RBMX: variants seen among roughly 807,000 people sequenced by gnomAD.
RBMX encodes RNA binding motif protein X-linked.
In RBMX, 1 loss-of-function variant was observed where a neutral mutation model predicts 29.3. The observed-to-expected ratio is 0.03, with a 90% confidence interval of 0.01 to 0.16. The LOEUF is 0.16. RBMX is among the 10% of genes least tolerant of loss of function. The probability of loss-of-function intolerance (pLI) is 1.00; values close to 1 mark genes in which losing one functional copy is unlikely to be tolerated. For missense variants in RBMX, 121 were observed against 333.2 expected, an observed-to-expected ratio of 0.36 and a Z score of 4.96; for synonymous variants, 102 against 102.3, an observed-to-expected ratio of 1.00 and a Z score of 0.02.
chrX:136,877,018 A>C (rs145664640), intron 4 of RBMX, among the ~76,000 whole-genome samples: 9,793 of 107,083 alleles, frequency 0.091, 464 homozygotes, highest in Middle Eastern at 0.19. Flanking sequence ...GGCCACTATA[A>C]AAGTTTTCTT....
intron 3 of RBMX, 113 bp downstream of exon 3, chrX:136,878,904 T>A: frequency 1.1e-6 from 1 of 941,490 alleles, no homozygotes. Flanking sequence ...CCCAGACAGG[T>A]ATATACTGAA....
Position 136,875,387 on chromosome X carries a change from CA to C in RBMX, c.657-5del, listed in dbSNP as rs1363451228. The C allele has an allele frequency of 2.5e-6, 3 of 1,205,769 alleles. No individual in the cohort carries two copies. In the African/African-American group the frequency reaches 5.3e-5, roughly 21 times the overall value. ...TGGGTAATCTCTGCTTGAATAGCTA[CA>C]AAGCAAAAGTTTTGGTTTATGCTTT... is the stretch of plus-strand genomic sequence containing the variant. On this transcript the variant is annotated splice_region_variant and splice_polypyrimidine_tract_variant and intron_variant, in intron 6 of 8. Coordinates refer to ENST00000320676, the MANE Select transcript of RBMX (RefSeq NM_002139.4).
In RBMX at chrX:136,877,797, G is replaced by C; in HGVS notation, c.388+118C>G. On this transcript the variant is annotated intron_variant, in intron 4 of 8. Coordinates refer to ENST00000320676, the MANE Select transcript of RBMX (RefSeq NM_002139.4). The stretch of plus-strand genomic sequence containing the variant: ...GGCAATCACTTTGGTAGATGAACAA[G>C]TGTTGTCAATTTCAAAAGTTGGCAC... The C allele has an allele frequency of 4.7e-6, 3 of 641,198 alleles. No individual in the cohort carries two copies. In the Admixed American group the frequency reaches 1.1e-4, roughly 23 times the overall value. 52.8% of individuals were successfully genotyped at this position (641,198 alleles called of 1,213,427 possible). A position where few individuals can be genotyped will look rare whatever the true frequency, so the allele number is the denominator to read the frequency against.
At position 136,874,370 on chromosome X, in the gene RBMX, T is replaced by C. The variant is rs774586365; in HGVS notation, c.948A>G (p.Ser316=). Residue 316 remains serine, a synonymous_variant, in exon 9 of 9, where the codon TCA becomes TCG. Coordinates refer to ENST00000320676, the MANE Select transcript of RBMX (RefSeq NM_002139.4). ...GSSRYDDYSS[S]RDGYGGSRDS... is the part of the protein sequence containing the mutation. The stretch of plus-strand genomic sequence containing the variant: ...CTCGACTTCCACCATATCCGTCACG[T>C]GAGCTGCTGTAATCATCATAGCGAC... 1 of 1,212,920 alleles carries C rather than the reference T, an allele frequency of 8.2e-7. No individual in the cohort carries two copies. Among genetic ancestry groups the C allele is most frequent in the Non-Finnish European group, 1.1e-6 (1 of 895,668 alleles).
downstream of RBMX, chrX:136,872,179 GACC>G (rs1297693133): frequency 4.2e-6 from 3 of 713,817 alleles, no homozygotes; most frequent in Non-Finnish European, 6.3e-6. Flanking sequence ...ATGAAGTGAG[GACC>G]ACAATAACTT....
chrX:136,870,949 A>AAAT (rs758011635), downstream of RBMX, among the ~76,000 whole-genome samples: 1,252 of 107,126 alleles, frequency 0.012, 12 homozygotes, highest in Middle Eastern at 0.024. Context: ...CTAAAAATAC[A>AAAT]AATAATAATA....
At position 136,875,589 on chromosome X, in the gene RBMX, A is replaced by G. The variant is rs1173823064; in HGVS notation, c.542-4T>C. Reference sequence around the variant, plus strand: ...TCTCTTCCACGTGATACAGGAGCTTAAGGAAAAATATCATTTTTTTAAACA... The same window carrying G: ...TCTCTTCCACGTGATACAGGAGCTTGAGGAAAAATATCATTTTTTTAAACA... On this transcript the variant is annotated splice_region_variant and splice_polypyrimidine_tract_variant and intron_variant, in intron 5 of 8. Transcript: ENST00000320676. 3 of 1,195,023 alleles carry G rather than the reference A, an allele frequency of 2.5e-6. No individual in the cohort carries two copies. The highest frequency in any genetic ancestry group is 3.4e-6 in the Non-Finnish European group (3 of 889,946).
downstream of RBMX, chrX:136,869,546 G>GTT (rs1229410472): frequency 3.6e-5 from 4 of 111,705 alleles, no homozygotes; most frequent in Non-Finnish European, 7.5e-5. Flanking sequence ...CCAAGTAATC[G>GTT]TAAGAGTATA....
chrX:136,874,427 T>A lies in RBMX; in HGVS notation c.891A>T (p.Thr297=), dbSNP rs150079822. Residue 297 remains threonine, a synonymous_variant, in exon 9 of 9, where the codon ACA becomes ACT. Transcript: ENST00000320676. ...CACCATAAGATGGCGGGGGCCCTCG[T>A]GTAGGTGGAGCACTACGTGAGTTAC... is the stretch of plus-strand genomic sequence containing the variant. ...SYGNSRSAPP[T]RGPPPSYGGS... is the part of the protein sequence containing the mutation. The A allele has an allele frequency of 8.7e-7, 1 of 1,147,835 alleles. No individual in the cohort carries two copies. The highest frequency in any genetic ancestry group is 1.2e-6 in the Non-Finnish European group (1 of 848,154). 94.6% of individuals were successfully genotyped at this position (1,147,835 alleles called of 1,213,427 possible). A position where few individuals can be genotyped will look rare whatever the true frequency, so the allele number is the denominator to read the frequency against.
At chrX:136,873,438 C>A, downstream of RBMX, 2 of 753,753 alleles carry the variant, frequency 2.7e-6, no homozygotes, top group Non-Finnish European at 3.1e-6. Flanking sequence ...ACAGTAAGAG[C>A]AAGCACCTTT....
downstream of RBMX, among the ~76,000 whole-genome samples, chrX:136,871,820 T>TG (rs1324487951): frequency 4.9e-5 from 5 of 102,104 alleles, no homozygotes; most frequent in Non-Finnish European, 1.0e-4. Flanking sequence ...TGTTTTTTTT[T>TG]TTTTTTTTTT....
Position 136,878,075 on chromosome X carries a change from T to C in RBMX, c.228A>G (p.Gly76=). 1.7e-6 allele frequency: 2 copies of C among 1,187,256 alleles called. No individual in the cohort carries two copies. Among genetic ancestry groups the C allele is most frequent in the Non-Finnish European group, 1.1e-6 (1 of 882,471 alleles). ...TGGCTTGTTCCACCTTGATGGCTTT[T>C]CCATCTAATGACTAAAAAAAAAGAT... The part of the protein sequence containing the change: ...ARDMNGKSLD[G]KAIKVEQATK... The change falls in exon 4 of 9, where the codon GGA becomes GGG. Residue 76 remains glycine (G), a synonymous_variant. Coordinates refer to ENST00000320676, the MANE Select transcript of RBMX (RefSeq NM_002139.4).
At chrX:136,871,922 G>A (rs938873106), downstream of RBMX, among the ~76,000 whole-genome samples, 6 of 109,335 alleles carry the variant, frequency 5.5e-5, no homozygotes, top group African/African-American at 2.0e-4. Context: ...CAAAGTCCTG[G>A]GATTAAAGGC....
intron 5 of RBMX, among the ~76,000 whole-genome samples, chrX:136,875,822 A>G (rs1222454617): frequency 9.4e-6 from 1 of 106,605 alleles, no homozygotes; most frequent in Non-Finnish European, 1.9e-5. Flanking sequence ...TTTTTTTGAG[A>G]TGGGAGTCTC....
chrX:136,870,294 T>TTC (rs1043530856), downstream of RBMX: 3 of 112,870 alleles, frequency 2.7e-5, no homozygotes, highest in African/African-American at 9.7e-5. Context: ...CACTGATGCC[T>TTC]TCCTCAGATC....
At chrX:136,880,120 G>A (rs1197183827) in intron 1 of RBMX, among the ~76,000 whole-genome samples, 1 of 112,180 alleles carries the variant, frequency 8.9e-6, no homozygotes, top group Non-Finnish European at 1.9e-5. Flanking sequence ...TAAAAACCGC[G>A]TGTAAAAGAC....
downstream of RBMX, among the ~76,000 whole-genome samples, chrX:136,871,817 T>G (rs1328016299): frequency 9.9e-5 from 10 of 101,480 alleles, no homozygotes; most frequent in Non-Finnish European, 1.8e-4. Context: ...CGGTGTTTTT[T>G]TTTTTTTTTT....
chrX:136,877,327 T>TAC lies in RBMX; in HGVS notation c.388+586_388+587dup, dbSNP rs1556343914. On this transcript the variant is annotated intron_variant, in intron 4 of 8. Coordinates refer to ENST00000320676, the MANE Select transcript of RBMX (RefSeq NM_002139.4). ...AGCCTGGGCAACAAGTGCTAAACTC[T>TAC]ACCCCCCCCCCCCCAAAAAAAAACC... Among the ~76,000 whole-genome samples, 20 of 29,857 alleles carry TAC rather than the reference T, an allele frequency of 6.7e-4. 3 individuals carry two copies. The East Asian group carries it at 0.013, about 20-fold the overall frequency. 25.9% of individuals were successfully genotyped at this position (29,857 alleles called of 115,157 possible). A position where few individuals can be genotyped will look rare whatever the true frequency, so the allele number is the denominator to read the frequency against.
intron 8 of RBMX, 150 bp downstream of exon 8, chrX:136,874,936 C>T: frequency 9.7e-7 from 1 of 1,035,341 alleles, no homozygotes. Flanking sequence ...AAGCCCCTCA[C>T]AAAACTAGGA....
Sources: gnomAD v4.1 joint callset for allele counts (sites outside exome capture counted in the v4.1 genomes callset) on GRCh38, gnomAD v4.1.1 for gene constraint, MANE v1.5 for transcripts, NCBI Gene and HGNC (gene_info 2026-07-23, HGNC 2026-07-21) for gene names.